VPS13B: variants seen among roughly 807,000 people sequenced by gnomAD.
VPS13B encodes the protein intermembrane lipid transfer protein VPS13B.
A neutral mutation model predicts 426.4 loss-of-function variants in VPS13B; 285 were observed. The observed-to-expected ratio is 0.67, with a 90% CI of 0.61 to 0.74. The LOEUF (loss-of-function observed/expected upper bound fraction) is 0.74. VPS13B is among the 30% of genes least tolerant of loss of function. VPS13B has a pLI of 0.00. For synonymous variants in VPS13B, 1,676 were observed against 1,676.4 expected, an observed-to-expected ratio of 1.00 and a Z score of 0.01; for missense variants, 4,537 against 4,782.6, an observed-to-expected ratio of 0.95 and a Z score of 1.51.
At chr8:99,664,645 ACT>A (rs775198622) in intron 35 of VPS13B, among the ~76,000 whole-genome samples, 6 of 151,772 alleles carry the variant, frequency 4.0e-5, no homozygotes, top group Non-Finnish European at 7.4e-5. Context: ...AAGGACATGA[ACT>A]CATCCTTTTT....
intron 41 of VPS13B, 79 bp from the exon 42 acceptor site, chr8:99,778,603 T>C: frequency 7.9e-7 from 1 of 1,258,648 alleles, no homozygotes; most frequent in Non-Finnish European, 1.2e-6. Flanking sequence ...GTGAATAGTT[T>C]GAATGTCATT....
chr8:99,793,410 A>G (rs1588716111), intron 43 of VPS13B, among the ~76,000 whole-genome samples: 1 of 151,936 alleles, frequency 6.6e-6, no homozygotes, highest in Non-Finnish European at 1.5e-5. Flanking sequence ...ATTACCTACC[A>G]CACATTAGGA....
chr8:99,615,791 C>T (rs1378543940), intron 33 of VPS13B, among the ~76,000 whole-genome samples: 1 of 152,008 alleles, frequency 6.6e-6, no homozygotes, highest in Non-Finnish European at 1.5e-5. Flanking sequence ...ATGTTAAAGC[C>T]CCTTTCAGTT....
chr8:99,721,203 T>C lies in VPS13B; in HGVS notation c.7050+156T>C, dbSNP rs535843694. 2.6e-5 allele frequency among the ~76,000 whole-genome samples: 4 copies of C among 152,304 alleles called. No individual in the cohort carries two copies. The South Asian group carries it at 6.2e-4, about 24-fold the overall frequency. On this transcript the variant is annotated intron_variant, in intron 39 of 61. Transcript: ENST00000357162. The stretch of plus-strand genomic sequence containing the variant: ...TGGTGTGTGTGTATCCACACACATA[T>C]ATAATGGGATTTTAAAAAATAAGGT...
chr8:99,644,572 G>T (rs952253540), intron 34 of VPS13B, among the ~76,000 whole-genome samples: 1 of 152,020 alleles, frequency 6.6e-6, no homozygotes, highest in Non-Finnish European at 1.5e-5. Context: ...ATATAGGGGT[G>T]GGGGGTAAAT....
At chr8:99,050,628 G>A (rs928330066) in intron 3 of VPS13B, among the ~76,000 whole-genome samples, 4 of 152,182 alleles carry the variant, frequency 2.6e-5, no homozygotes, top group South Asian at 4.1e-4. Flanking sequence ...TACAGTGGTT[G>A]AACTAGTTTA....
intron 29 of VPS13B, among the ~76,000 whole-genome samples, chr8:99,516,175 CTTAATT>C (rs1822058138): frequency 6.6e-6 from 1 of 152,096 alleles, no homozygotes. Flanking sequence ...CTTTGCTACT[CTTAATT>C]TAAATAATCA....
intron 21 of VPS13B, among the ~76,000 whole-genome samples, chr8:99,401,193 A>G (rs925245028): frequency 3.9e-5 from 6 of 152,208 alleles, no homozygotes; most frequent in African/African-American, 1.4e-4. Context: ...GTTTGCTGAC[A>G]TAAGGCTAGT....
intron 29 of VPS13B, among the ~76,000 whole-genome samples, chr8:99,513,285 GTTTGT>G (rs1457316158): frequency 1.3e-5 from 2 of 151,862 alleles, no homozygotes. Flanking sequence ...TTCCTGAAGT[GTTTGT>G]TTTATGTTCC....
intron 3 of VPS13B, among the ~76,000 whole-genome samples, chr8:99,081,855 C>T (rs546142242): frequency 6.6e-6 from 1 of 151,962 alleles, no homozygotes; most frequent in Non-Finnish European, 1.5e-5. Context: ...TTAATCCAGT[C>T]TATAATTGTT....
intron 3 of VPS13B, among the ~76,000 whole-genome samples, chr8:99,056,262 T>C (rs1172313926): frequency 1.3e-5 from 2 of 151,976 alleles, no homozygotes; most frequent in East Asian, 3.9e-4. Context: ...GTTTTCATCA[T>C]GTTGCCCAGG....
At chr8:99,470,118 A>G (rs1819324797) in intron 24 of VPS13B, among the ~76,000 whole-genome samples, 3 of 152,194 alleles carry the variant, frequency 2.0e-5, no homozygotes, top group Admixed American at 1.3e-4. Context: ...GTACTTTGTT[A>G]TGGCGGCTCT....
chr8:99,271,980 A>G (rs1278974807), intron 17 of VPS13B, among the ~76,000 whole-genome samples: 1 of 152,136 alleles, frequency 6.6e-6, no homozygotes, highest in African/African-American at 2.4e-5. Flanking sequence ...TTCTCTAACC[A>G]TTTGCAAATC....
chr8:99,641,686 A>G, intron 33 of VPS13B, 125 bp from the exon 34 acceptor site: 1 of 887,260 alleles, frequency 1.1e-6, no homozygotes. Flanking sequence ...TTTTCTGATT[A>G]CTGTTTTAAG....
intron 33 of VPS13B, among the ~76,000 whole-genome samples, chr8:99,632,376 C>T (rs577240632): frequency 1.3e-5 from 2 of 151,870 alleles, no homozygotes; most frequent in African/African-American, 4.8e-5. Flanking sequence ...CCAAAAATAT[C>T]CAAGCTTAAT....
At chr8:99,659,022 C>T (rs1005000631) in intron 34 of VPS13B, among the ~76,000 whole-genome samples, 20 of 151,808 alleles carry the variant, frequency 1.3e-4, no homozygotes, top group Non-Finnish European at 2.5e-4. Flanking sequence ...TTTTGTAGAG[C>T]TGGGGTTTCA....
At chr8:99,108,793 T>G (rs998876926) in intron 5 of VPS13B, among the ~76,000 whole-genome samples, 5 of 152,162 alleles carry the variant, frequency 3.3e-5, no homozygotes, top group Admixed American at 6.5e-5. Flanking sequence ...TTTAGGATTG[T>G]TTTTTCTTAT....
At chr8:99,170,363 T>G (rs1292176850) in intron 16 of VPS13B, among the ~76,000 whole-genome samples, 200 bp downstream of exon 16, 3 of 152,046 alleles carry the variant, frequency 2.0e-5, no homozygotes, top group African/African-American at 7.2e-5. Flanking sequence ...TCTTTTGTGA[T>G]AGCAATAACT....
intron 24 of VPS13B, among the ~76,000 whole-genome samples, chr8:99,476,651 G>A (rs1004735989): frequency 3.9e-5 from 6 of 152,090 alleles, no homozygotes; most frequent in Non-Finnish European, 7.4e-5. Context: ...AAGAAACCAC[G>A]AAGGCCAGAA....
Sources: gnomAD v4.1 joint callset for allele counts (sites outside exome capture counted in the v4.1 genomes callset) on GRCh38, gnomAD v4.1.1 for gene constraint, MANE v1.5 for transcripts, NCBI Gene and HGNC (gene_info 2026-07-23, HGNC 2026-07-21) for gene names.